The following ZNF723 variants were observed in gnomAD, a reference collection of about 807,000 sequenced individuals.
The protein encoded by ZNF723 is zinc finger protein 723, pseudogene.
ZNF723 carries 5 observed loss-of-function variants against 9.4 expected under a neutral mutation model. That is an observed-to-expected ratio of 0.53 (90% CI 0.28 to 1.12). ZNF723 has a LOEUF of 1.12. ZNF723 is among the 50% of genes most tolerant of loss of function. ZNF723 has a pLI of 0.10. For missense variants in ZNF723, 450 were observed against 501.5 expected (o/e 0.90, Z 0.98); for synonymous variants, 158 against 168.8 (o/e 0.94, Z 0.49).
At chr19:22,851,124 G>A (rs1967389089) in intron 3 of ZNF723, among the ~76,000 whole-genome samples, 1 of 151,856 alleles carries the variant, frequency 6.6e-6, no homozygotes. Flanking sequence ...AATTCTATAT[G>A]TGTCTCTATA....
chr19:22,831,857 G>T (rs2145202327), upstream of ZNF723, among the ~76,000 whole-genome samples: 1 of 151,972 alleles, frequency 6.6e-6, no homozygotes, highest in Middle Eastern at 3.4e-3. Flanking sequence ...GCAGTGAGCC[G>T]AGATCGTGCC....
At chr19:22,848,220 C>T (rs543083511) in intron 1 of ZNF723, 41 bp from the exon 2 acceptor site, 20 of 721,430 alleles carry the variant, frequency 2.8e-5, no homozygotes, top group South Asian at 8.7e-5. Context: ...GTTGGCCACC[C>T]GGTAAATATG....
At chr19:22,817,220 C>A in the ZNF723 span, among the ~76,000 whole-genome samples, 1 of 152,160 alleles carries the variant, frequency 6.6e-6, no homozygotes, top group Admixed American at 6.5e-5. Context: ...TCTGCCTTGG[C>A]CCTGCCTAAT....
intron 1 of ZNF723, among the ~76,000 whole-genome samples, chr19:22,845,889 CTT>C (rs1214348571): frequency 8.3e-4 from 103 of 124,268 alleles, no homozygotes; most frequent in Admixed American, 1.0e-3. Flanking sequence ...AAAAATATGC[CTT>C]TTTTTTTTTT....
intron 3 of ZNF723, among the ~76,000 whole-genome samples, chr19:22,856,834 A>G (rs1053061053): frequency 1.3e-5 from 2 of 152,154 alleles, no homozygotes; most frequent in Non-Finnish European, 2.9e-5. Context: ...TCTTTGCTAT[A>G]TTGGGGAGCA....
chr19:22,847,827 G>A (rs1165338198), intron 1 of ZNF723, among the ~76,000 whole-genome samples: 2 of 152,092 alleles, frequency 1.3e-5, no homozygotes, highest in East Asian at 3.9e-4. Context: ...TCGGCCAGGC[G>A]TGGTGTCTCA....
intron 1 of ZNF723, among the ~76,000 whole-genome samples, chr19:22,838,543 C>T (rs1249790045): frequency 1.3e-5 from 2 of 151,428 alleles, no homozygotes; most frequent in Non-Finnish European, 2.9e-5. Flanking sequence ...CAAAGCTAGA[C>T]TCTGTCTCAA....
At chr19:22,830,477 TG>T (rs1967082172), upstream of ZNF723, among the ~76,000 whole-genome samples, 1 of 152,032 alleles carries the variant, frequency 6.6e-6, no homozygotes, top group Non-Finnish European at 1.5e-5. Flanking sequence ...TGCAATTTCT[TG>T]ACAGGACTAT....
chr19:22,819,692 G>A, the ZNF723 span, among the ~76,000 whole-genome samples: 3 of 152,166 alleles, frequency 2.0e-5, no homozygotes, highest in Admixed American at 6.5e-5. Flanking sequence ...GGCCTCTGAC[G>A]TACAATATGT....
At chr19:22,815,409 A>C in the ZNF723 span, among the ~76,000 whole-genome samples, 1 of 152,134 alleles carries the variant, frequency 6.6e-6, no homozygotes, top group Non-Finnish European at 1.5e-5. Context: ...GAGCATTGTG[A>C]CATATCACTG....
In ZNF723 at chr19:22,858,133, A is replaced by G; in HGVS notation, c.1242A>G (p.Thr414=). The G allele has an allele frequency of 6.9e-7, 1 of 1,439,424 alleles. No individual in the cohort carries two copies. Among genetic ancestry groups the G allele is most frequent in the Non-Finnish European group, 9.8e-7 (1 of 1,022,368 alleles). The allele number at this position is 1,439,424 out of a possible 1,614,324, so 89.2% of individuals were successfully genotyped here. The stretch of plus-strand genomic sequence containing the variant: ...TTAACCAATCCTCAGCCCTTACTAC[A>G]CATAAGATAATTCATACTGGAGAAA... The part of the protein sequence containing the change: ...KAFNQSSALT[T]HKIIHTGERP... The change falls in exon 4 of 4, where the codon ACA becomes ACG. Residue 414 remains threonine, a synonymous_variant. Coordinates refer to ENST00000600766, the MANE Select transcript of ZNF723 (RefSeq NM_001349726.2).
Position 22,857,936 on chromosome 19 carries a change from G to A in ZNF723, c.1045G>A (p.Ala349Thr), listed in dbSNP as rs1967505586. 3.2e-5 allele frequency: 47 copies of A among 1,474,530 alleles called. No homozygotes were observed. The South Asian group carries it at 5.1e-4, about 16-fold the overall frequency. The allele number at this position is 1,474,530 out of a possible 1,614,324, so 91.3% of individuals were successfully genotyped here. A position where few individuals can be genotyped will look rare whatever the true frequency, so the allele number is the denominator to read the frequency against. The change falls in exon 4 of 4, where the codon GCA becomes ACA. Residue 349 changes from alanine to threonine, a missense_variant. Ala to Thr is a moderately conservative substitution (Grantham distance 58). Transcript: ENST00000600766. ...KLYKCEECGK[A>T]FSQSSHITTH... Reference sequence around the variant, plus strand: ...CTACAAATGTGAAGAATGTGGCAAAGCATTCAGCCAGTCCTCACACATTAC... The same window carrying A: ...CTACAAATGTGAAGAATGTGGCAAAACATTCAGCCAGTCCTCACACATTAC...
upstream of ZNF723, among the ~76,000 whole-genome samples, chr19:22,827,542 G>A (rs923910383): frequency 5.3e-5 from 8 of 151,916 alleles, no homozygotes; most frequent in Admixed American, 2.0e-4. Context: ...CCACCTCCTG[G>A]GTTCAAGTGA....
At chr19:22,812,599 G>A in the ZNF723 span, among the ~76,000 whole-genome samples, 1 of 152,168 alleles carries the variant, frequency 6.6e-6, no homozygotes, top group Admixed American at 6.5e-5. Context: ...ACTGCAGAAA[G>A]CTCTCGGGTG....
upstream of ZNF723, among the ~76,000 whole-genome samples, chr19:22,827,797 G>A (rs756578649): frequency 5.9e-5 from 9 of 152,200 alleles, no homozygotes; most frequent in Non-Finnish European, 7.4e-5. Context: ...CTCCCAGGCC[G>A]GGCGTGGTGG....
At chr19:22,843,862 G>A (rs754468570) in intron 1 of ZNF723, among the ~76,000 whole-genome samples, 20 of 152,082 alleles carry the variant, frequency 1.3e-4, no homozygotes, top group Non-Finnish European at 2.6e-4. Flanking sequence ...TAATGGACAG[G>A]GCAGTGGCTA....
At chr19:22,832,514 G>C in intron 1 of ZNF723, 132 bp downstream of exon 1, 1 of 1,024,682 alleles carries the variant, frequency 9.8e-7, no homozygotes, top group Non-Finnish European at 1.4e-6. Context: ...AGCCTGGCCC[G>C]GCCTCAGACA....
chr19:22,829,395 C>T (rs1967070258), upstream of ZNF723, among the ~76,000 whole-genome samples: 1 of 151,446 alleles, frequency 6.6e-6, no homozygotes, highest in African/African-American at 2.4e-5. Context: ...AAGTGATTAT[C>T]CTGCCTCAGC....
At chr19:22,847,369 G>T (rs10419010) in intron 1 of ZNF723, among the ~76,000 whole-genome samples, 8,097 of 151,802 alleles carry the variant, frequency 0.053, 691 homozygotes, top group African/African-American at 0.18. Flanking sequence ...CTTGGAAAAT[G>T]AAGAGTTTCA....
Sources: allele counts gnomAD v4.1 joint callset (sites outside exome capture counted in the v4.1 genomes callset), GRCh38; gene constraint gnomAD v4.1.1; transcripts MANE v1.5; gene names NCBI Gene and HGNC (gene_info 2026-07-23, HGNC 2026-07-21).